Variants in CTNNA3 observed in about 807,000 individuals in gnomAD.
CTNNA3 encodes catenin alpha 3, also known as catenin alpha-3.
A neutral mutation model predicts 95.7 loss-of-function variants in CTNNA3; 76 were observed. The ratio of observed to expected loss-of-function variants is 0.79; its 90% confidence interval spans 0.66 to 0.96. CTNNA3 has a LOEUF of 0.96. Ranked by LOEUF, CTNNA3 falls within the 40% of genes least tolerant of loss-of-function variation. CTNNA3 has a pLI of 0.00. For missense variants in CTNNA3, 1,191 were observed against 1,089.8 expected, an observed-to-expected ratio of 1.09 and a Z score of -1.31; for synonymous variants, 431 against 374.4, an observed-to-expected ratio of 1.15 and a Z score of -1.74.
chr10:67,720,339 C>G (rs918197980), intron 1 of CTNNA3, among the ~76,000 whole-genome samples: 2 of 150,716 alleles, frequency 1.3e-5, no homozygotes, highest in African/African-American at 4.9e-5. Context: ...TTAATTGAGG[C>G]GTTTAGCCCA....
intron 3 of CTNNA3, among the ~76,000 whole-genome samples, chr10:67,596,919 T>A (rs1329254974): frequency 3.9e-5 from 6 of 152,226 alleles, no homozygotes; most frequent in Non-Finnish European, 7.3e-5. Context: ...ATAGATTTGG[T>A]CTCTTTACAT....
At chr10:66,115,497 A>G (rs540162566) in intron 13 of CTNNA3, among the ~76,000 whole-genome samples, 1 of 151,734 alleles carries the variant, frequency 6.6e-6, no homozygotes, top group East Asian at 1.9e-4. Flanking sequence ...TTGACTTCCC[A>G]ATGGGGAATA....
At chr10:66,193,474 A>G (rs930901760) in intron 13 of CTNNA3, among the ~76,000 whole-genome samples, 1 of 152,170 alleles carries the variant, frequency 6.6e-6, no homozygotes, top group Non-Finnish European at 1.5e-5. Context: ...GCTATAGTGA[A>G]AGTTGAAATG....
At chr10:66,048,725 C>T (rs537923585) in intron 15 of CTNNA3, among the ~76,000 whole-genome samples, 1 of 152,124 alleles carries the variant, frequency 6.6e-6, no homozygotes, top group Non-Finnish European at 1.5e-5. Flanking sequence ...CGTGCCACTG[C>T]ACTCCAGTCT....
intron 4 of CTNNA3, among the ~76,000 whole-genome samples, chr10:67,530,009 C>T (rs1840278701): frequency 6.6e-6 from 1 of 152,202 alleles, no homozygotes; most frequent in Admixed American, 6.5e-5. Flanking sequence ...CTCTCTTTGC[C>T]TGCCGCCATC....
At chr10:67,452,055 G>GGA in intron 5 of CTNNA3, among the ~76,000 whole-genome samples, 1 of 132,306 alleles carries the variant, frequency 7.6e-6, no homozygotes, top group African/African-American at 2.9e-5. Context: ...GGGAGGGAGG[G>GGA]AGGAATGGAA....
intron 10 of CTNNA3, among the ~76,000 whole-genome samples, chr10:66,559,227 A>G (rs1349075677): frequency 6.6e-6 from 1 of 151,954 alleles, no homozygotes; most frequent in Non-Finnish European, 1.5e-5. Flanking sequence ...CTCTGTTTCT[A>G]TTCTGCAGTG....
chr10:67,600,404 T>C (rs1012430526), intron 3 of CTNNA3, among the ~76,000 whole-genome samples: 1 of 152,062 alleles, frequency 6.6e-6, no homozygotes, highest in Non-Finnish European at 1.5e-5. Flanking sequence ...CTTCTGAATA[T>C]TAAAAAATGG....
At chr10:67,042,705 G>A (rs985962988) in intron 7 of CTNNA3, among the ~76,000 whole-genome samples, 1 of 152,062 alleles carries the variant, frequency 6.6e-6, no homozygotes, top group Non-Finnish European at 1.5e-5. Flanking sequence ...AAAAAAAGAG[G>A]TGGTCAGCAA....
At chr10:65,997,411 A>G (rs1379604719) in intron 15 of CTNNA3, among the ~76,000 whole-genome samples, 1 of 152,194 alleles carries the variant, frequency 6.6e-6, no homozygotes, top group African/African-American at 2.4e-5. Context: ...TCGGTATACC[A>G]TCTTGGGTTA....
intron 11 of CTNNA3, among the ~76,000 whole-genome samples, chr10:66,506,015 G>C (rs1367412339): frequency 6.6e-6 from 1 of 152,134 alleles, no homozygotes; most frequent in Non-Finnish European, 1.5e-5. Flanking sequence ...TCTGGTGAGG[G>C]CTTCAGGCTG....
In CTNNA3 at chr10:66,649,246, T is replaced by C. The variant is rs1404174460; in HGVS notation, c.1282-27462A>G. On this transcript the variant is annotated intron_variant, in intron 9 of 17. Coordinates refer to ENST00000433211, the MANE Select transcript of CTNNA3 (RefSeq NM_013266.4). The stretch of plus-strand genomic sequence containing the variant: ...TAAAATAAAAAGTAGAAATAAGAAT[T>C]AGAAAAGGTTTATAAAGATGGTGGA... Among the ~76,000 whole-genome samples, 3 of 151,912 alleles carry C rather than the reference T, an allele frequency of 2.0e-5. No individual in the cohort carries two copies. In the East Asian group the frequency reaches 5.8e-4, roughly 29 times the overall value.
At chr10:67,702,338 A>G (rs1474488442) in intron 1 of CTNNA3, among the ~76,000 whole-genome samples, 9 of 152,186 alleles carry the variant, frequency 5.9e-5, no homozygotes, top group Non-Finnish European at 1.0e-4. Context: ...TTTCAGCACC[A>G]CACCACACCT....
intron 9 of CTNNA3, among the ~76,000 whole-genome samples, chr10:66,664,212 A>G (rs941086967): frequency 5.3e-5 from 8 of 152,124 alleles, no homozygotes; most frequent in Admixed American, 1.3e-4. Flanking sequence ...ACACTTTTAT[A>G]TAAATATTTA....
intron 9 of CTNNA3, among the ~76,000 whole-genome samples, chr10:66,636,416 T>G (rs1014303861): frequency 1.3e-5 from 2 of 152,026 alleles, no homozygotes; most frequent in African/African-American, 4.8e-5. Flanking sequence ...CTTAGTAATT[T>G]TTTTAAATAT....
chr10:66,582,284 G>A (rs1188527125), intron 10 of CTNNA3, among the ~76,000 whole-genome samples: 1 of 151,150 alleles, frequency 6.6e-6, no homozygotes, highest in African/African-American at 2.4e-5. Flanking sequence ...AGCAAAGAAT[G>A]TATTTCCATT....
At chr10:66,951,650 TA>T (rs10708355) in intron 7 of CTNNA3, among the ~76,000 whole-genome samples, 32,813 of 151,980 alleles carry the variant, frequency 0.22, 3,721 homozygotes, top group East Asian at 0.36. Context: ...TTAACCACAC[TA>T]TTGGCTTTTG....
intron 5 of CTNNA3, among the ~76,000 whole-genome samples, chr10:67,491,980 T>G (rs1848662227): frequency 6.6e-6 from 1 of 152,170 alleles, no homozygotes; most frequent in African/African-American, 2.4e-5. Context: ...AACACCTCAT[T>G]AAGTAACTGG....
intron 7 of CTNNA3, among the ~76,000 whole-genome samples, chr10:66,862,519 A>T (rs1843981906): frequency 6.6e-6 from 1 of 152,186 alleles, no homozygotes; most frequent in Admixed American, 6.6e-5. Context: ...GGGATATGGA[A>T]CAGAGACTTG....
Sources: allele counts gnomAD v4.1 joint callset (sites outside exome capture counted in the v4.1 genomes callset), GRCh38; gene constraint gnomAD v4.1.1; transcripts MANE v1.5; gene names NCBI Gene and HGNC (gene_info 2026-07-23, HGNC 2026-07-21).